MRPL47: variants seen among roughly 807,000 people sequenced by gnomAD.
The protein encoded by MRPL47 is mitochondrial ribosomal protein L47, also known as large ribosomal subunit protein uL29m.
In MRPL47, 31 loss-of-function variants were observed where a neutral mutation model predicts 34.0. That is an observed-to-expected ratio of 0.91 (90% CI 0.68 to 1.23). The LOEUF (loss-of-function observed/expected upper bound fraction) is 1.23, where lower values mean the gene tolerates loss of function less well. Ranked by LOEUF, MRPL47 falls within the 50% of genes most tolerant of loss-of-function variation. The pLI is 0.00. For missense variants in MRPL47, 328 were observed against 285.8 expected, an observed-to-expected ratio of 1.15 and a Z score of -1.07; for synonymous variants, 106 against 101.6, an observed-to-expected ratio of 1.04 and a Z score of -0.26.
At chr3:179,593,498 T>C (rs1049158181) in intron 5 of MRPL47, among the ~76,000 whole-genome samples, 3 of 152,212 alleles carry the variant, frequency 2.0e-5, no homozygotes, top group African/African-American at 7.2e-5. Flanking sequence ...TTGTGATTCA[T>C]ATAAGACTAA....
chr3:179,604,391 T>C (rs1719007771), intron 1 of MRPL47, 136 bp downstream of exon 1: 2 of 751,590 alleles, frequency 2.7e-6, no homozygotes, highest in East Asian at 5.2e-5. Flanking sequence ...CACTCACTCC[T>C]CACCAAAGTG....
Position 179,592,705 on chromosome 3 carries a change from G to C in MRPL47, c.568C>G (p.Leu190Val). 1 of 1,613,854 alleles carries C rather than the reference G, an allele frequency of 6.2e-7. No homozygotes were observed. Reference sequence around the variant, plus strand: ...CGTTTCCTATTGTATCTTTTATTTAGGTGCCAAGGTATAACCCACTGCTTG... The same window carrying C: ...CGTTTCCTATTGTATCTTTTATTTACGTGCCAAGGTATAACCCACTGCTTG... ...KFKQWVIPWH[L>V]NKRYNRKRFF... Residue 190 changes from leucine (L) to valine (V), a missense_variant, in exon 6 of 7, where the codon CTA becomes GTA. Physicochemically the swap from Leu to Val is conservative, Grantham distance 32 (BLOSUM62 1). Coordinates refer to ENST00000476781, the MANE Select transcript of MRPL47 (RefSeq NM_020409.3).
intron 4 of MRPL47, among the ~76,000 whole-genome samples, chr3:179,596,233 A>G (rs1363848236): frequency 2.0e-5 from 3 of 152,176 alleles, no homozygotes; most frequent in African/African-American, 7.2e-5. Context: ...CTGGATATCA[A>G]CTCACATCAG....
intron 6 of MRPL47, among the ~76,000 whole-genome samples, chr3:179,589,814 CA>C (rs879389744): frequency 2.0e-5 from 3 of 152,012 alleles, no homozygotes; most frequent in Non-Finnish European, 4.4e-5. Context: ...TGAACAAAGT[CA>C]AAATGAGATT....
chr3:179,595,109 G>C (rs185208100), intron 4 of MRPL47, among the ~76,000 whole-genome samples: 1 of 152,116 alleles, frequency 6.6e-6, no homozygotes, highest in South Asian at 2.1e-4. Flanking sequence ...GCAGTGGCAC[G>C]ATCTTGGCTC....
chr3:179,593,109 CCCA>C (rs1224599618), intron 5 of MRPL47, among the ~76,000 whole-genome samples: 1 of 152,086 alleles, frequency 6.6e-6, no homozygotes, highest in African/African-American at 2.4e-5. Context: ...GAACAGCCTC[CCCA>C]CCGAAGGAGG....
chr3:179,590,526 G>C (rs1419664617), intron 6 of MRPL47, among the ~76,000 whole-genome samples: 1 of 152,058 alleles, frequency 6.6e-6, no homozygotes, highest in Non-Finnish European at 1.5e-5. Flanking sequence ...AGCAACAGAA[G>C]AAGCAACAGT....
At chr3:179,594,901 A>G (rs1718759352) in intron 4 of MRPL47, among the ~76,000 whole-genome samples, 2 of 152,250 alleles carry the variant, frequency 1.3e-5, no homozygotes, top group African/African-American at 4.8e-5. Context: ...TCCCTTAAGC[A>G]TCACAACAGA....
chr3:179,602,512 A>C, intron 2 of MRPL47, 140 bp downstream of exon 2: 1 of 561,956 alleles, frequency 1.8e-6, no homozygotes, highest in Non-Finnish European at 3.1e-6. Flanking sequence ...TTTCTCTAGT[A>C]GACAGTCTCA....
chr3:179,599,626 G>A (rs1228528964), intron 3 of MRPL47, among the ~76,000 whole-genome samples: 1 of 152,194 alleles, frequency 6.6e-6, no homozygotes, highest in Non-Finnish European at 1.5e-5. Flanking sequence ...ACTGTAATGT[G>A]ATGTGGGATA....
rs1257046501 is a variant in MRPL47, at chr3:179,604,636, A to G, written c.-12T>C. 2 of 1,614,012 alleles carry G rather than the reference A, an allele frequency of 1.2e-6. No individual in the cohort carries two copies. The highest frequency in any genetic ancestry group is 2.7e-5 in the African/African-American group (2 of 74,944). On this transcript the variant is annotated 5_prime_UTR_variant, in exon 1 of 7. Transcript: ENST00000476781. ...CCGGCCGCAGCCATGTTTTCGCATAACTGGCAAAACGCGTTTCCGCCAACG... is the reference window on the plus strand; with the variant it reads ...CCGGCCGCAGCCATGTTTTCGCATAGCTGGCAAAACGCGTTTCCGCCAACG...
chr3:179,594,719 G>A (rs1217321020), intron 4 of MRPL47, among the ~76,000 whole-genome samples: 2 of 151,998 alleles, frequency 1.3e-5, no homozygotes, highest in African/African-American at 4.8e-5. Flanking sequence ...CCTGGCCCCA[G>A]GTGATCTGCC....
chr3:179,596,675 A>C (rs985567529), intron 4 of MRPL47, among the ~76,000 whole-genome samples: 5 of 152,174 alleles, frequency 3.3e-5, no homozygotes, highest in African/African-American at 9.7e-5. Flanking sequence ...TTATTGAGAC[A>C]GGGTCTTGCT....
Position 179,599,148 on chromosome 3 carries a change from A to G in MRPL47, c.306-377T>C, listed in dbSNP as rs184945143. Among the ~76,000 whole-genome samples, 108 of 151,760 alleles carry G rather than the reference A, an allele frequency of 7.1e-4. 2 individuals carry two copies. The East Asian group carries it at 0.019, about 27-fold the overall frequency. ...CACACTACTATACTCCAGCCTGGGG[A>G]TAAAGTGAGATCTTGCTTCAAAAAA... is the stretch of plus-strand genomic sequence containing the variant. On this transcript the variant is annotated intron_variant, in intron 3 of 6. Transcript: ENST00000476781.
intron 1 of MRPL47, among the ~76,000 whole-genome samples, chr3:179,604,307 T>G (rs1306356985): frequency 2.0e-5 from 3 of 152,194 alleles, no homozygotes; most frequent in Non-Finnish European, 2.9e-5. Flanking sequence ...CCCCATATAC[T>G]GTCTTGTCCA....
At chr3:179,602,598 CGGG>C (rs371595016) in intron 2 of MRPL47, 51 bp downstream of exon 2, 16 of 577,188 alleles carry the variant, frequency 2.8e-5, no homozygotes, top group Admixed American at 8.2e-5. Context: ...TTGGGCGGGG[CGGG>C]GGGGGGGGTT....
chr3:179,603,445 G>A (rs1018681645), intron 1 of MRPL47, among the ~76,000 whole-genome samples: 7 of 152,120 alleles, frequency 4.6e-5, no homozygotes, highest in African/African-American at 1.7e-4. Flanking sequence ...AGGCTGAGGT[G>A]GGAGGACGCT....
chr3:179,596,772 T>C (rs992431193), intron 4 of MRPL47, among the ~76,000 whole-genome samples: 8 of 152,080 alleles, frequency 5.3e-5, no homozygotes, highest in Admixed American at 6.6e-5. Flanking sequence ...AAAAGTTCAA[T>C]GTCAGGAAAC....
chr3:179,601,478 C>T (rs911173312), intron 3 of MRPL47, among the ~76,000 whole-genome samples: 3 of 152,212 alleles, frequency 2.0e-5, no homozygotes, highest in Non-Finnish European at 4.4e-5. Context: ...CTAGTATAAA[C>T]ATGTTAGTAG....
Sources: allele counts gnomAD v4.1 joint callset (sites outside exome capture counted in the v4.1 genomes callset), GRCh38; gene constraint gnomAD v4.1.1; transcripts MANE v1.5; gene names NCBI Gene and HGNC (gene_info 2026-07-23, HGNC 2026-07-21).